LIMCH1: variants seen among roughly 807,000 people sequenced by gnomAD.
LIMCH1 encodes the protein LIM and calponin homology domains-containing protein 1.
Under a neutral mutation model 176.5 loss-of-function variants are expected in LIMCH1, and 113 were observed. The ratio of observed to expected loss-of-function variants is 0.64; its 90% confidence interval spans 0.55 to 0.75. LIMCH1 has a LOEUF of 0.75. Ranked by LOEUF, LIMCH1 falls within the 30% of genes least tolerant of loss-of-function variation. LIMCH1 has a pLI of 0.00. For synonymous variants in LIMCH1, 619 were observed against 645.9 expected (o/e 0.96, Z 0.63); for missense variants, 1,674 against 1,814.9 (o/e 0.92, Z 1.41).
intron 1 of LIMCH1, among the ~76,000 whole-genome samples, chr4:41,444,227 A>G (rs1368090340): frequency 6.6e-6 from 1 of 151,748 alleles, no homozygotes; most frequent in East Asian, 1.9e-4. Flanking sequence ...TACTACTCCT[A>G]AACGACTTTT....
At chr4:41,399,188 A>C (rs552035795) in intron 1 of LIMCH1, among the ~76,000 whole-genome samples, 3 of 152,282 alleles carry the variant, frequency 2.0e-5, no homozygotes, top group Admixed American at 2.0e-4. Flanking sequence ...GCCTAGTGCA[A>C]ATCAGCCTGT....
chr4:41,650,103 G>A (rs1208589448), intron 17 of LIMCH1, among the ~76,000 whole-genome samples: 3 of 152,112 alleles, frequency 2.0e-5, no homozygotes, highest in African/African-American at 2.4e-5. Context: ...AAGATTCTTC[G>A]GTTTTCTGTA....
chr4:41,515,971 T>C (rs1293698160), intron 2 of LIMCH1, among the ~76,000 whole-genome samples: 1 of 152,256 alleles, frequency 6.6e-6, no homozygotes, highest in East Asian at 1.9e-4. Flanking sequence ...AAGGAAATAC[T>C]AATTACAATC....
At chr4:41,696,905 C>T (rs1174395579) in intron 31 of LIMCH1, among the ~76,000 whole-genome samples, 2 of 152,106 alleles carry the variant, frequency 1.3e-5, no homozygotes, top group African/African-American at 4.8e-5. Context: ...CTTCACAGTG[C>T]ATGTGAATCA....
chr4:41,563,006 G>A (rs527306830), intron 1 of LIMCH1, among the ~76,000 whole-genome samples: 1 of 152,140 alleles, frequency 6.6e-6, no homozygotes, highest in African/African-American at 2.4e-5. Flanking sequence ...TCTGAAGATG[G>A]GTCTATTTTC....
chr4:41,369,939 A>AGTGTGTGTGTGTGTGTGTGTGTGTGT (rs113302113), intron 1 of LIMCH1, among the ~76,000 whole-genome samples: 4,731 of 138,126 alleles, frequency 0.034, 203 homozygotes, highest in African/African-American at 0.089. Flanking sequence ...CAGGAAGCAA[A>AGTGTGTGTGTGTGTGTGTGTGTGTGT]GTGTGTGTGT....
Position 41,646,813 on chromosome 4 carries a change from A to G in LIMCH1, c.2740A>G (p.Thr914Ala), listed in dbSNP as rs368983486. Residue 914 changes from threonine to alanine, a missense_variant, in exon 17 of 32, where the codon ACT becomes GCT. Physicochemically the swap from Thr to Ala is moderately conservative, Grantham distance 58 (BLOSUM62 0). Coordinates refer to ENST00000503057, the MANE Select transcript of LIMCH1 (RefSeq NM_001330672.2). ...AGSGSPSKTV[T>A]PKAVPMLTPK... The stretch of plus-strand genomic sequence containing the variant: ...CAGTGGGTCTCCAAGCAAAACTGTC[A>G]CTCCCAAAGCAGTGCCTATGCTGAC... The G allele has an allele frequency of 1.4e-5, 23 of 1,613,870 alleles. No homozygotes were observed. The highest frequency in any genetic ancestry group is 1.9e-5 in the Non-Finnish European group (22 of 1,180,000).
chr4:41,462,732 A>G (rs1314424198), intron 1 of LIMCH1, among the ~76,000 whole-genome samples: 1 of 152,224 alleles, frequency 6.6e-6, no homozygotes, highest in East Asian at 1.9e-4. Context: ...ATTGGAGTAA[A>G]TACCAGTGTT....
At chr4:41,674,815 T>C (rs2095163469) in intron 22 of LIMCH1, among the ~76,000 whole-genome samples, 1 of 152,222 alleles carries the variant, frequency 6.6e-6, no homozygotes, top group Non-Finnish European at 1.5e-5. Context: ...ATAGAATGGC[T>C]GTTTGGGTAT....
intron 21 of LIMCH1, 56 bp from the exon 22 acceptor site, chr4:41,671,498 C>G (rs1272381627): frequency 6.9e-7 from 1 of 1,449,200 alleles, no homozygotes; most frequent in African/African-American, 1.4e-5. Flanking sequence ...AAAACAAAGA[C>G]AATTAGAAAA....
chr4:41,383,841 GA>G lies in LIMCH1; in HGVS notation c.96+22907del, dbSNP rs944898710. 4.5e-4 allele frequency among the ~76,000 whole-genome samples: 68 copies of G among 152,250 alleles called. 1 individual carries two copies. The highest frequency in any genetic ancestry group is 1.6e-3 in the African/African-American group (67 of 41,554). ...GGGCTCTCTCTGTGAACACTGTGAAGAATGACATTTAAGGGATGAATAGAAA... is the reference window on the plus strand; with the variant it reads ...GGGCTCTCTCTGTGAACACTGTGAAGATGACATTTAAGGGATGAATAGAAA... On this transcript the variant is annotated intron_variant, in intron 1 of 26. Coordinates refer to the LIMCH1 transcript ENST00000313860.
At chr4:41,595,357 C>A (rs35287564) in intron 1 of LIMCH1, among the ~76,000 whole-genome samples, 3 of 151,904 alleles carry the variant, frequency 2.0e-5, no homozygotes, top group Non-Finnish European at 4.4e-5. Flanking sequence ...TTTGGAGAGG[C>A]GGGAAAAGGA....
Position 41,623,792 on chromosome 4 carries a change from G to A in LIMCH1, c.726-2916G>A, listed in dbSNP as rs115787390. The stretch of plus-strand genomic sequence containing the variant: ...AGGCAGTATACAAAAGGGAGCAAAG[G>A]TGCATGTTATTTCATTTTCACAAGA... On this transcript the variant is annotated intron_variant, in intron 7 of 31. Transcript: ENST00000503057. Among the ~76,000 whole-genome samples the A allele has an allele frequency of 2.9e-3, 435 of 152,220 alleles. 1 individual carries two copies. The highest frequency in any genetic ancestry group is 9.9e-3 in the African/African-American group (411 of 41,538).
At chr4:41,390,766 G>T (rs1206303752) in intron 1 of LIMCH1, among the ~76,000 whole-genome samples, 1 of 152,010 alleles carries the variant, frequency 6.6e-6, no homozygotes, top group Non-Finnish European at 1.5e-5. Context: ...CTGAAAATTA[G>T]GGCAAATATT....
upstream of LIMCH1, chr4:41,538,153 C>A: frequency 1.0e-6 from 1 of 985,576 alleles, no homozygotes; most frequent in Non-Finnish European, 1.2e-6. Context: ...CCTTTCACTG[C>A]ATCAGCATTT....
At chr4:41,689,711 T>C in intron 30 of LIMCH1, 76 bp downstream of exon 30, 3 of 888,332 alleles carry the variant, frequency 3.4e-6, no homozygotes, top group Non-Finnish European at 5.7e-6. Context: ...GAAAAATGCC[T>C]CTTGGAAATT....
intron 2 of LIMCH1, among the ~76,000 whole-genome samples, chr4:41,506,747 G>A (rs752620366): frequency 1.2e-4 from 18 of 152,116 alleles, no homozygotes; most frequent in South Asian, 2.1e-4. Flanking sequence ...AAAACAAGTA[G>A]TTTTTTCTTT....
intron 1 of LIMCH1, among the ~76,000 whole-genome samples, chr4:41,567,947 G>A (rs1412017932): frequency 1.3e-5 from 2 of 152,178 alleles, no homozygotes; most frequent in Non-Finnish European, 2.9e-5. Context: ...GAGGTCAGGA[G>A]TTCGAGACCA....
rs773727075 is a variant in LIMCH1, at chr4:41,662,818, C to T, written c.3128-3C>T. ...TACGTTTCTGGATGTAACTCCATTG[C>T]AGAACCACAGCATTTTACAACAACT... On this transcript the variant is annotated splice_region_variant and splice_polypyrimidine_tract_variant and intron_variant, in intron 19 of 31. Transcript: ENST00000503057. 2.5e-6 allele frequency: 4 copies of T among 1,613,762 alleles called. No homozygotes were observed. The African/African-American group carries it at 5.3e-5, about 22-fold the overall frequency.
Sources: gnomAD v4.1 joint callset for allele counts (sites outside exome capture counted in the v4.1 genomes callset) on GRCh38, gnomAD v4.1.1 for gene constraint, MANE v1.5 for transcripts, NCBI Gene and HGNC (gene_info 2026-07-23, HGNC 2026-07-21) for gene names.